The following NUP37 variants were observed in gnomAD, a reference collection of about 807,000 sequenced individuals.
The protein encoded by NUP37 is nucleoporin 37, also known as nucleoporin Nup37.
In NUP37, 33 loss-of-function variants were observed where a neutral mutation model predicts 45.4. The observed-to-expected ratio is 0.73, with a 90% CI of 0.55 to 0.97. NUP37 has a LOEUF of 0.97. Ranked by LOEUF, NUP37 falls within the 50% of genes least tolerant of loss-of-function variation. NUP37 has a pLI of 0.00. For missense variants in NUP37, 365 were observed against 389.7 expected (o/e 0.94, Z 0.53); for synonymous variants, 127 against 130.7 (o/e 0.97, Z 0.19).
At chr12:102,104,616 G>A (rs894729101) in intron 3 of NUP37, among the ~76,000 whole-genome samples, 1 of 151,992 alleles carries the variant, frequency 6.6e-6, no homozygotes, top group Non-Finnish European at 1.5e-5. Context: ...TTATGTTTAG[G>A]TCCCATTTTG....
Position 102,115,192 on chromosome 12 carries a change from A to G in NUP37, c.157-2960T>C, listed in dbSNP as rs535687051. 4.6e-5 allele frequency among the ~76,000 whole-genome samples: 7 copies of G among 152,344 alleles called. No individual in the cohort carries two copies. In the South Asian group the frequency reaches 1.2e-3, roughly 27 times the overall value. On this transcript the variant is annotated intron_variant, in intron 2 of 9. Coordinates refer to ENST00000552283, the MANE Select transcript of NUP37 (RefSeq NM_024057.4). ...CATTATCTTCTCTGAATCATAATAT[A>G]CTGCTGAGAACTACAGAGTATTATT...
intron 4 of NUP37, among the ~76,000 whole-genome samples, chr12:102,100,744 T>G (rs1565834196): frequency 6.6e-6 from 1 of 152,214 alleles, no homozygotes; most frequent in Non-Finnish European, 1.5e-5. Context: ...ATTATACTCC[T>G]ACTATATCCA....
At chr12:102,075,654 C>A (rs558631915) in intron 8 of NUP37, among the ~76,000 whole-genome samples, 1 of 152,090 alleles carries the variant, frequency 6.6e-6, no homozygotes, top group East Asian at 1.9e-4. Flanking sequence ...CAAAGTTACA[C>A]AAGGTTGATA....
intron 5 of NUP37, 46 bp downstream of exon 5, chr12:102,099,060 A>T (rs1879896833): frequency 2.4e-6 from 3 of 1,229,410 alleles, no homozygotes; most frequent in Admixed American, 1.7e-5. Context: ...TGTAATTCTC[A>T]TTAAAATGGC....
chr12:102,085,806 G>A lies in NUP37; in HGVS notation c.500C>T (p.Pro167Leu). ...VQTAHFVLHS[P>L]GMSVCWHPEE... ...AGGATGCCAGCACACACTCATGCCA[G>A]GAGAATGAAGAACAAAATGAGCTGT... Residue 167 changes from proline to leucine, a missense_variant, in exon 6 of 10, where the codon CCT becomes CTT. By Grantham distance (98) the Pro-to-Leu change is moderately conservative. Transcript: ENST00000552283. The A allele has an allele frequency of 6.2e-7, 1 of 1,601,330 alleles. No individual in the cohort carries two copies. Among genetic ancestry groups the A allele is most frequent in the Middle Eastern group, 1.7e-4 (1 of 6,030 alleles).
intron 3 of NUP37, 83 bp from the exon 4 acceptor site, chr12:102,101,187 G>GTGATCTGAAGGGA: frequency 1.5e-6 from 1 of 647,464 alleles, no homozygotes; most frequent in Non-Finnish European, 2.6e-6. Context: ...CTTCCCTTCA[G>GTGATCTGAAGGGA]ATCACTGAAG....
chr12:102,078,869 A>G (rs965698941), intron 6 of NUP37, among the ~76,000 whole-genome samples: 3 of 152,248 alleles, frequency 2.0e-5, no homozygotes, highest in African/African-American at 7.2e-5. Context: ...CAAATTAATT[A>G]TAATATAAAT....
At position 102,120,084 on chromosome 12, in the gene NUP37, G is replaced by A. The variant is rs187432483; in HGVS notation, c.-100C>T. 474 of 160,072 alleles carry A rather than the reference G, an allele frequency of 3.0e-3. 1 individual carries two copies. Among genetic ancestry groups the A allele is most frequent in the Non-Finnish European group, 4.9e-3 (351 of 71,988 alleles). 9.9% of individuals were successfully genotyped at this position (160,072 alleles called of 1,614,324 possible). On this transcript the variant is annotated 5_prime_UTR_variant, in exon 1 of 10. Transcript: ENST00000552283. ...CCAGGAACCGACCAGAGGCAGGCTGGTCTTCCTTGGGGGCTGCCGCGACGC... is the reference window on the plus strand; with the variant it reads ...CCAGGAACCGACCAGAGGCAGGCTGATCTTCCTTGGGGGCTGCCGCGACGC...
At chr12:102,077,632 T>A (rs777342791) in intron 6 of NUP37, 129 bp from the exon 7 acceptor site, 1 of 925,266 alleles carries the variant, frequency 1.1e-6, no homozygotes, top group South Asian at 1.8e-5. Context: ...GCATTCCTCA[T>A]CTGAAAATCT....
intron 3 of NUP37, among the ~76,000 whole-genome samples, chr12:102,101,862 T>A (rs547697494): frequency 6.6e-6 from 1 of 152,022 alleles, no homozygotes; most frequent in Non-Finnish European, 1.5e-5. Flanking sequence ...GTAGCTGGGA[T>A]TACAGGCGCC....
intron 6 of NUP37, among the ~76,000 whole-genome samples, chr12:102,080,168 C>CA (rs1241701774): frequency 6.6e-6 from 1 of 152,078 alleles, no homozygotes; most frequent in Non-Finnish European, 1.5e-5. Flanking sequence ...TAATTTAAGG[C>CA]AAAATGCTCT....
intron 6 of NUP37, among the ~76,000 whole-genome samples, chr12:102,080,805 G>A (rs1292095276): frequency 6.6e-6 from 1 of 152,154 alleles, no homozygotes; most frequent in Non-Finnish European, 1.5e-5. Flanking sequence ...AGTATGCAGT[G>A]GGGAAGGATC....
At chr12:102,089,614 G>A (rs1879587544) in intron 5 of NUP37, among the ~76,000 whole-genome samples, 1 of 141,344 alleles carries the variant, frequency 7.1e-6, no homozygotes, top group African/African-American at 2.7e-5. Context: ...GGGCGGCAGG[G>A]CAGAGGCGCT....
rs543368253 is a variant in NUP37, at chr12:102,096,210, A to G, written c.449+2896T>C. Among the ~76,000 whole-genome samples the G allele has an allele frequency of 7.2e-5, 11 of 152,270 alleles. No individual in the cohort carries two copies. In the East Asian group the frequency reaches 2.1e-3, roughly 29 times the overall value. ...TAGGCATTATAAAATGTTTGTTAGA[A>G]AGGCAGTGTTGGAACTGATAAAGAC... On this transcript the variant is annotated intron_variant, in intron 5 of 9. Transcript: ENST00000552283.
intron 6 of NUP37, among the ~76,000 whole-genome samples, chr12:102,078,215 G>C (rs1879233677): frequency 6.6e-6 from 1 of 151,736 alleles, no homozygotes; most frequent in East Asian, 1.9e-4. Flanking sequence ...CGTAATCCTA[G>C]CTACTCGGGA....
intron 5 of NUP37, among the ~76,000 whole-genome samples, chr12:102,096,365 T>G (rs1329821862): frequency 6.6e-6 from 1 of 152,158 alleles, no homozygotes; most frequent in African/African-American, 2.4e-5. Context: ...AGAGGTACCT[T>G]TGTTCACAGT....
intron 5 of NUP37, among the ~76,000 whole-genome samples, chr12:102,088,929 C>G (rs1879557599): frequency 6.6e-6 from 1 of 151,852 alleles, no homozygotes; most frequent in South Asian, 2.1e-4. Flanking sequence ...GAGCATGCTG[C>G]CTTCAAGCAT....
At chr12:102,078,886 T>G (rs1483090953) in intron 6 of NUP37, among the ~76,000 whole-genome samples, 1 of 152,202 alleles carries the variant, frequency 6.6e-6, no homozygotes, top group Non-Finnish European at 1.5e-5. Flanking sequence ...AAATTCCAAT[T>G]TTACAAAATA....
intron 5 of NUP37, among the ~76,000 whole-genome samples, chr12:102,095,351 T>C (rs1879773552): frequency 6.6e-6 from 1 of 152,152 alleles, no homozygotes; most frequent in African/African-American, 2.4e-5. Context: ...TATGAACGTA[T>C]TTATATTTTT....
Sources: allele counts gnomAD v4.1 joint callset (sites outside exome capture counted in the v4.1 genomes callset), GRCh38; gene constraint gnomAD v4.1.1; transcripts MANE v1.5; gene names NCBI Gene and HGNC (gene_info 2026-07-23, HGNC 2026-07-21).